The following CEP63 variants were observed in gnomAD, a reference collection of about 807,000 sequenced individuals.
CEP63 encodes the protein centrosomal protein 63, also known as centrosomal protein of 63 kDa.
In CEP63, 84 loss-of-function variants were observed where a neutral mutation model predicts 89.1. The ratio of observed to expected loss-of-function variants is 0.94; its 90% confidence interval spans 0.79 to 1.13. CEP63 has a LOEUF of 1.13. CEP63 is among the 50% of genes most tolerant of loss of function. The probability of loss-of-function intolerance (pLI) is 0.00; values close to 1 mark genes in which losing one functional copy is unlikely to be tolerated. For missense variants in CEP63, 838 were observed against 813.3 expected (o/e 1.03, Z -0.37); for synonymous variants, 267 against 272.5 (o/e 0.98, Z 0.20).
chr3:134,558,933 A>G (rs772159326), intron 13 of CEP63, among the ~76,000 whole-genome samples: 1 of 152,164 alleles, frequency 6.6e-6, no homozygotes, highest in African/African-American at 2.4e-5. Flanking sequence ...CTTTCTTGCT[A>G]TACCATAAGT....
At chr3:134,720,338 A>G in the CEP63 span, among the ~76,000 whole-genome samples, 2 of 152,176 alleles carry the variant, frequency 1.3e-5, no homozygotes, top group African/African-American at 4.8e-5. Context: ...AGTTATAAGA[A>G]TGTATTATTT....
rs765915059 is a variant in CEP63 at position 134,507,233 on chromosome 3, C to A, written c.169C>A (p.Arg57Ser). The change falls in exon 3 of 15, where the codon CGT becomes AGT. Residue 57 changes from arginine (R) to serine (S), a missense_variant. Arg to Ser is a moderately radical substitution (Grantham distance 110). Transcript: ENST00000675561. ...TGCTCTAGAAACTTGCTTGAAAATCCGTGAACAGGAACTTAAGAGTCTTAG... is the reference window on the plus strand; with the variant it reads ...TGCTCTAGAAACTTGCTTGAAAATCAGTGAACAGGAACTTAAGAGTCTTAG... ...THALETCLKI[R>S]EQELKSLRSQ... The A allele has an allele frequency of 1.2e-6, 2 of 1,613,090 alleles. No individual in the cohort carries two copies. Among genetic ancestry groups the A allele is most frequent in the Non-Finnish European group, 8.5e-7 (1 of 1,179,490 alleles).
chr3:134,486,032 TC>T (rs1935159098), upstream of CEP63: 1 of 980,702 alleles, frequency 1.0e-6, no homozygotes, highest in Non-Finnish European at 1.2e-6. Flanking sequence ...GCACTCGCTT[TC>T]CTCGGATTCC....
chr3:134,590,958 C>T (rs1958585915), downstream of CEP63, among the ~76,000 whole-genome samples: 1 of 152,228 alleles, frequency 6.6e-6, no homozygotes, highest in Admixed American at 6.5e-5. Flanking sequence ...CATTACTATC[C>T]TCTTAGGAAT....
chr3:134,735,808 A>G, the CEP63 span, among the ~76,000 whole-genome samples: 1 of 152,188 alleles, frequency 6.6e-6, no homozygotes, highest in Non-Finnish European at 1.5e-5. Context: ...AACAAAAAGC[A>G]AAACTAAGCT....
At chr3:134,622,668 A>C in the CEP63 span, among the ~76,000 whole-genome samples, 1 of 152,224 alleles carries the variant, frequency 6.6e-6, no homozygotes, top group African/African-American at 2.4e-5. Flanking sequence ...AAAATTATTA[A>C]AATGGCAAAT....
At chr3:134,539,507 A>G (rs1466980122) in intron 6 of CEP63, among the ~76,000 whole-genome samples, 1 of 152,180 alleles carries the variant, frequency 6.6e-6, no homozygotes, top group African/African-American at 2.4e-5. Context: ...TCTTAATATA[A>G]TTTAATATCC....
chr3:134,676,012 C>T, the CEP63 span, among the ~76,000 whole-genome samples: 5 of 152,176 alleles, frequency 3.3e-5, no homozygotes, highest in Non-Finnish European at 7.3e-5. Flanking sequence ...ATATGTACTA[C>T]TCAGCAATTC....
At chr3:134,627,775 A>G in the CEP63 span, 1 of 1,613,914 alleles carries the variant, frequency 6.2e-7, no homozygotes, top group Non-Finnish European at 8.5e-7. Flanking sequence ...CTTTCCCTCC[A>G]GGTTGCCGGG....
chr3:134,608,793 C>A, the CEP63 span: 2 of 1,613,924 alleles, frequency 1.2e-6, no homozygotes, highest in South Asian at 2.2e-5. Flanking sequence ...GGGAAGTGGT[C>A]CTCGATGAAC....
chr3:134,496,529 G>A (rs547150565), intron 2 of CEP63, among the ~76,000 whole-genome samples: 25 of 152,258 alleles, frequency 1.6e-4, no homozygotes, highest in African/African-American at 5.3e-4. Flanking sequence ...GCAAGGAGGA[G>A]CCTTTGGTGA....
the CEP63 span, among the ~76,000 whole-genome samples, chr3:134,683,925 C>T: frequency 2.6e-5 from 4 of 152,118 alleles, no homozygotes; most frequent in African/African-American, 7.2e-5. Context: ...GTGGTATTCT[C>T]ATGGGTTAGA....
rs759445694 is a variant in CEP63, at chr3:134,561,485, C to G, written c.2062C>G (p.Leu688Val). ...GCGCTTGGATGCCCATATTGAAGAA[C>G]TAAAAAGAGAGAGTGAAAAGACAGT... Reference protein sequence around the residue: ...LERLDAHIEELKRESEKTVRQ... With the variant: ...LERLDAHIEEVKRESEKTVRQ... Residue 688 changes from leucine to valine, a missense_variant, in exon 15 of 15, where the codon CTA (leucine) becomes GTA (valine). Physicochemically the swap from Leu to Val is conservative, Grantham distance 32. Coordinates refer to ENST00000675561, the MANE Select transcript of CEP63 (RefSeq NM_001353108.3). 6.2e-7 allele frequency: 1 copy of G among 1,613,652 alleles called. No individual in the cohort carries two copies. The highest frequency in any genetic ancestry group is 2.2e-5 in the East Asian group (1 of 44,840).
At chr3:134,549,246 A>T in intron 10 of CEP63, 70 bp downstream of exon 10, 6 of 937,654 alleles carry the variant, frequency 6.4e-6, no homozygotes, top group Non-Finnish European at 1.0e-5. Context: ...TTGGGAGATT[A>T]TAGGGGTTAT....
chr3:134,487,819 G>A (rs1936162156), intron 1 of CEP63, among the ~76,000 whole-genome samples: 1 of 152,212 alleles, frequency 6.6e-6, no homozygotes, highest in African/African-American at 2.4e-5. Context: ...CAATTAGCTT[G>A]TTTGAACCAA....
the CEP63 span, among the ~76,000 whole-genome samples, chr3:134,761,716 A>T: frequency 6.6e-6 from 1 of 151,668 alleles, no homozygotes; most frequent in Non-Finnish European, 1.5e-5. Context: ...GAAATTCACA[A>T]CAAAATTTGT....
chr3:134,582,947 T>G (rs948479230), intron 10 of CEP63, among the ~76,000 whole-genome samples: 4 of 152,262 alleles, frequency 2.6e-5, no homozygotes, highest in Admixed American at 6.5e-5. Flanking sequence ...GAGCATTTAT[T>G]CATGTGTCTT....
At chr3:134,755,967 C>T in the CEP63 span, among the ~76,000 whole-genome samples, 1 of 152,184 alleles carries the variant, frequency 6.6e-6, no homozygotes, top group East Asian at 1.9e-4. Flanking sequence ...TGACCTGAGC[C>T]CCATCCAGGG....
At chr3:134,719,136 T>A in the CEP63 span, among the ~76,000 whole-genome samples, 429 of 152,232 alleles carry the variant, frequency 2.8e-3, 5 homozygotes, top group Non-Finnish European at 3.5e-3. Context: ...CTTGTTTTCA[T>A]CAAGCAGCTT....
Sources: allele counts gnomAD v4.1 joint callset (sites outside exome capture counted in the v4.1 genomes callset), GRCh38; gene constraint gnomAD v4.1.1; transcripts MANE v1.5; gene names NCBI Gene and HGNC (gene_info 2026-07-23, HGNC 2026-07-21).